The following NEB variants were observed in gnomAD, a reference collection of about 807,000 sequenced individuals.
The protein encoded by NEB is nemaline myopathy type 2.
In NEB, 512 loss-of-function variants were observed where a neutral mutation model predicts 952.2. That is an observed-to-expected ratio of 0.54 (90% CI 0.50 to 0.58). NEB has a LOEUF of 0.58. Ranked by LOEUF, NEB falls within the 20% of genes least tolerant of loss-of-function variation. The probability of loss-of-function intolerance (pLI) is 0.00; values close to 1 mark genes in which losing one functional copy is unlikely to be tolerated. For synonymous variants in NEB, 2,900 were observed against 3,149.8 expected (o/e 0.92, Z 2.66); for missense variants, 8,428 against 9,231.1 (o/e 0.91, Z 3.56).
Position 151,697,336 on chromosome 2 carries a change from G to A in NEB, c.1365+14C>T, listed in dbSNP as rs750849844. On this transcript the variant is annotated intron_variant, in intron 15 of 181. Transcript: ENST00000397345. The stretch of plus-strand genomic sequence containing the variant: ...ATGTTATTTGGAAAGTCAAACAATT[G>A]TCTTAGAACTTACATCACTGTTTTG... 2 of 1,611,650 alleles carry A rather than the reference G, an allele frequency of 1.2e-6. No homozygotes were observed. Among genetic ancestry groups the A allele is most frequent in the East Asian group, 2.2e-5 (1 of 44,872 alleles).
intron 124 of NEB, among the ~76,000 whole-genome samples, chr2:151,557,936 GCA>G (rs2095776013): frequency 6.6e-6 from 1 of 152,222 alleles, no homozygotes; most frequent in Non-Finnish European, 1.5e-5. Context: ...AAAGCTGGAA[GCA>G]TTCCCTTTGA....
chr2:151,545,781 C>T (rs1040700248), intron 135 of NEB, 107 bp downstream of exon 135: 16 of 645,294 alleles, frequency 2.5e-5, no homozygotes, highest in Admixed American at 2.9e-5. Flanking sequence ...TTTTACCTGC[C>T]GCAGTTGCCT....
chr2:151,493,158 T>G (rs1354362037), intron 176 of NEB, 195 bp downstream of exon 176: 2 of 543,336 alleles, frequency 3.7e-6, no homozygotes, highest in Non-Finnish European at 6.5e-6. Flanking sequence ...ACAGTTAATG[T>G]CTATTTTAGT....
At chr2:151,559,472 C>T (rs141888573) in intron 124 of NEB, among the ~76,000 whole-genome samples, 7,752 of 152,226 alleles carry the variant, frequency 0.051, 639 homozygotes, top group African/African-American at 0.17. Context: ...AATCATTCTA[C>T]TATAAAGACA....
chr2:151,491,634 C>A, intron 179 of NEB, 49 bp downstream of exon 179: 1 of 1,395,940 alleles, frequency 7.2e-7, no homozygotes, highest in South Asian at 1.2e-5. Context: ...TTGACTCTAG[C>A]ATACTAAATG....
chr2:151,576,707 T>C (rs905386754), intron 105 of NEB, among the ~76,000 whole-genome samples: 14 of 150,290 alleles, frequency 9.3e-5, no homozygotes, highest in South Asian at 2.1e-4. Context: ...AATTTTTGTA[T>C]TTTTTTTAGT....
At chr2:151,569,771 A>C (rs888712108) in intron 109 of NEB, among the ~76,000 whole-genome samples, 15 of 152,196 alleles carry the variant, frequency 9.9e-5, no homozygotes, top group African/African-American at 2.9e-4. Flanking sequence ...CATCCTGTCC[A>C]TGGGCTGCCA....
At chr2:151,567,557 G>A (rs2096459547) in intron 113 of NEB, 78 bp from the exon 114 acceptor site, 4 of 1,345,554 alleles carry the variant, frequency 3.0e-6, no homozygotes, top group East Asian at 5.1e-5. Context: ...TCTACTAAGG[G>A]ATATCAGCAA....
At chr2:151,634,394 A>G (rs966573619) in intron 64 of NEB, among the ~76,000 whole-genome samples, 2 of 152,224 alleles carry the variant, frequency 1.3e-5, no homozygotes, top group Admixed American at 6.5e-5. Context: ...CTGTAATCCC[A>G]GCACTTTGGG....
At chr2:151,641,682 C>G (rs1300007778) in intron 60 of NEB, among the ~76,000 whole-genome samples, 1 of 152,058 alleles carries the variant, frequency 6.6e-6, no homozygotes, top group Non-Finnish European at 1.5e-5. Flanking sequence ...TGGTATTTAA[C>G]CCTTCTGTGA....
In NEB at chr2:151,679,798, T is replaced by C. The variant is rs1266800200; in HGVS notation, c.3178A>G (p.Ser1060Gly). 1 of 1,613,850 alleles carries C rather than the reference T, an allele frequency of 6.2e-7. No individual in the cohort carries two copies. The highest frequency in any genetic ancestry group is 2.2e-5 in the East Asian group (1 of 44,870). The change falls in exon 32 of 182, where the codon AGC becomes GGC. Residue 1060 changes from serine to glycine, a missense_variant. This residue lies in a region of NEB where 2,851 missense variants were observed against 2,791.5 expected (regional missense o/e 1.02). Transcript: ENST00000397345. Reference protein sequence around the residue: ...NMYKADLKDLSKKGYDLRTDA... With the variant: ...NMYKADLKDLGKKGYDLRTDA... The stretch of plus-strand genomic sequence containing the variant: ...GTTCTCAGGTCATATCCCTTCTTGC[T>C]CAAGTCTTTCAAGTCTGCTTTGTAC...
rs578023308 is a variant in NEB, at chr2:151,656,323, T to C, written c.6325A>G (p.Thr2109Ala). 2.9e-5 allele frequency: 47 copies of C among 1,613,730 alleles called. No individual in the cohort carries two copies. The East Asian group carries it at 8.5e-4, about 29-fold the overall frequency. The change falls in exon 49 of 182, where the codon ACA (threonine) becomes GCA (alanine). Residue 2109 changes from threonine to alanine, a missense_variant. Thr to Ala is a moderately conservative substitution (Grantham distance 58, BLOSUM62 0). Transcript: ENST00000397345. ...GCAGGGGTGTGGTAGCTGGTCTTTGTGTTCTCATAGTTTTTCTTGTACTCC... is the reference window on the plus strand; with the variant it reads ...GCAGGGGTGTGGTAGCTGGTCTTTGCGTTCTCATAGTTTTTCTTGTACTCC... ...DREYKKNYEN[T>A]KTSYHTPADM...
At chr2:151,554,111 C>A in intron 125 of NEB, 86 bp from the exon 126 acceptor site, 1 of 1,243,510 alleles carries the variant, frequency 8.0e-7, no homozygotes, top group Non-Finnish European at 1.2e-6. Flanking sequence ...CTAACCAACT[C>A]ACAGCGAACA....
rs2093931355 is a variant in NEB, at chr2:151,540,729, G to A, written c.20755C>T (p.His6919Tyr). The change falls in exon 137 of 182, where the codon CAT becomes TAT. Residue 6919 changes from histidine (H) to tyrosine (Y), a missense_variant. By Grantham distance (83) the His-to-Tyr change is moderately conservative. This residue lies in a region of NEB where 3,374 missense variants were observed against 3,651.5 expected (regional missense o/e 0.92). Transcript: ENST00000397345. ...ACCATGTCCTTCACGTCTTTAGCATGCTTCAAGGCTGTGGTCTGGTTTCCA... is the reference window on the plus strand; with the variant it reads ...ACCATGTCCTTCACGTCTTTAGCATACTTCAAGGCTGTGGTCTGGTTTCCA... ...HAGNQTTALK[H>Y]AKDVKDMVSE... 5 of 1,613,514 alleles carry A rather than the reference G, an allele frequency of 3.1e-6. No homozygotes were observed. The South Asian group carries it at 3.3e-5, about 11-fold the overall frequency.
chr2:151,633,939 C>A lies in NEB; in HGVS notation c.9129G>T (p.Lys3043Asn), dbSNP rs369667745. 2.8e-5 allele frequency: 45 copies of A among 1,613,404 alleles called. No homozygotes were observed. Among genetic ancestry groups the A allele is most frequent in the Non-Finnish European group, 3.6e-5 (42 of 1,179,544 alleles). ...GGGCTCCAATATGGTGGCCAAGTTG[C>A]TTGCAGTAACCATCTTTATATTTGT... ...SDYKYKDGYC[K>N]QLGHHIGARN... The change falls in exon 65 of 182, where the codon AAG (lysine) becomes AAT (asparagine). Residue 3043 changes from lysine to asparagine, a missense_variant. Around this residue, in one of 11 missense-constraint regions of NEB, gnomAD observed 1,772 missense variants for 1,960.3 expected, o/e 0.90. Transcript: ENST00000397345.
intron 117 of NEB, 27 bp from the exon 118 acceptor site, chr2:151,563,957 A>G (rs775344570): frequency 2.0e-6 from 3 of 1,527,656 alleles, no homozygotes; most frequent in South Asian, 2.4e-5. Context: ...CATGGCAACA[A>G]AAGTTTTCTT....
chr2:151,570,154 A>G lies in NEB; in HGVS notation c.17357T>C (p.Leu5786Pro). Reference protein sequence around the residue: ...LVSDMDYRNYLHQWTCMPDQN... With the variant: ...LVSDMDYRNYPHQWTCMPDQN... The stretch of plus-strand genomic sequence containing the variant: ...GTCGGGCATGCAGGTCCACTGGTGC[A>G]GGTAATTGCGGTAATCCATGTCACT... Residue 5786 changes from leucine to proline, a missense_variant, in exon 109 of 182, where the codon CTG becomes CCG. Leu to Pro is a moderately conservative substitution (Grantham distance 98). Around this residue, in one of 11 missense-constraint regions of NEB, gnomAD observed 3,374 missense variants for 3,651.5 expected, o/e 0.92. Transcript: ENST00000397345. 1 of 1,613,450 alleles carries G rather than the reference A, an allele frequency of 6.2e-7. No individual in the cohort carries two copies. Among genetic ancestry groups the G allele is most frequent in the South Asian group, 1.1e-5 (1 of 90,914 alleles).
chr2:151,507,773 T>C, intron 162 of NEB: 1 of 484,354 alleles, frequency 2.1e-6, no homozygotes, highest in Non-Finnish European at 3.7e-6. Context: ...AAAGATACTA[T>C]ATTTTCTCCC....
intron 161 of NEB, among the ~76,000 whole-genome samples, chr2:151,510,931 A>T (rs1408896586): frequency 6.6e-6 from 1 of 152,268 alleles, no homozygotes; most frequent in Non-Finnish European, 1.5e-5. Context: ...TCGAGAAGCA[A>T]GTTTGTGGAA....
Sources: gnomAD v4.1 joint callset for allele counts (sites outside exome capture counted in the v4.1 genomes callset) on GRCh38, gnomAD v4.1.1 for gene constraint, gnomAD v4.1.1 regional missense constraint, MANE v1.5 for transcripts, NCBI Gene and HGNC (gene_info 2026-07-23, HGNC 2026-07-21) for gene names.